Variants in NFIB observed in about 807,000 individuals in gnomAD.
NFIB encodes nuclear factor I B.
In NFIB, 11 loss-of-function variants were observed where a neutral mutation model predicts 61.5. That is an observed-to-expected ratio of 0.18 (90% CI 0.11 to 0.30). NFIB has a LOEUF of 0.30. NFIB is among the 10% of genes least tolerant of loss of function. The pLI, the probability that NFIB is intolerant of heterozygous loss-of-function variation, is 1.00. For synonymous variants in NFIB, 260 were observed against 216.5 expected (o/e 1.20, Z -1.76); for missense variants, 471 against 608.9 (o/e 0.77, Z 2.38).
chr9:14,399,693 G>C (rs745414047), upstream of NFIB, among the ~76,000 whole-genome samples: 2 of 152,118 alleles, frequency 1.3e-5, no homozygotes, highest in Non-Finnish European at 2.9e-5. Context: ...AAAAAAGTCA[G>C]CATTAGGCAT....
chr9:14,360,104 G>C (rs1198463816), intron 1 of NFIB, among the ~76,000 whole-genome samples: 1 of 152,144 alleles, frequency 6.6e-6, no homozygotes, highest in African/African-American at 2.4e-5. Context: ...CTATTTAAAT[G>C]AGGCATAACT....
the NFIB span, among the ~76,000 whole-genome samples, chr9:14,498,224 A>G: frequency 2.0e-3 from 300 of 152,304 alleles, 2 homozygotes; most frequent in African/African-American, 6.5e-3. Context: ...TTCTACCTTC[A>G]TGCCTCCTTG....
chr9:14,257,480 G>A (rs538620928), intron 2 of NFIB, among the ~76,000 whole-genome samples: 2 of 152,298 alleles, frequency 1.3e-5, no homozygotes, highest in Admixed American at 6.5e-5. Flanking sequence ...TTCTGGACAG[G>A]TGCAGTGGCT....
chr9:14,277,039 T>C (rs2058050884), intron 2 of NFIB, among the ~76,000 whole-genome samples: 1 of 152,122 alleles, frequency 6.6e-6, no homozygotes, highest in African/African-American at 2.4e-5. Flanking sequence ...TAAAAAAAGC[T>C]CAAAACACAT....
chr9:14,197,743 A>T (rs1040909669), intron 2 of NFIB, among the ~76,000 whole-genome samples: 1 of 152,220 alleles, frequency 6.6e-6, no homozygotes, highest in Non-Finnish European at 1.5e-5. Context: ...AGAAAGTCAG[A>T]GGTGTCCCTG....
intron 2 of NFIB, among the ~76,000 whole-genome samples, chr9:14,217,147 A>G (rs2051019831): frequency 6.6e-6 from 1 of 152,186 alleles, no homozygotes; most frequent in South Asian, 2.1e-4. Context: ...GATGATACTT[A>G]AGAAAGAATA....
At chr9:14,488,780 A>G in the NFIB span, among the ~76,000 whole-genome samples, 3 of 152,240 alleles carry the variant, frequency 2.0e-5, no homozygotes, top group Non-Finnish European at 4.4e-5. Flanking sequence ...ATTAAAGCAA[A>G]GATGAATACA....
chr9:14,452,419 G>GGAAA, the NFIB span, among the ~76,000 whole-genome samples: 36 of 94,740 alleles, frequency 3.8e-4, 1 homozygote, highest in Non-Finnish European at 5.3e-4. Context: ...ATGGAAGGAA[G>GGAAA]GAAGGGAGGG....
chr9:14,182,683 CCTCTCTCTCT>C (rs144528136), intron 2 of NFIB, among the ~76,000 whole-genome samples: 3 of 40,976 alleles, frequency 7.3e-5, no homozygotes, highest in African/African-American at 1.3e-4. Flanking sequence ...ACACCCCCCA[CCTCTCTCTCT>C]CTCTCTCTCT....
At chr9:14,505,883 C>G in the NFIB span, among the ~76,000 whole-genome samples, 1 of 152,068 alleles carries the variant, frequency 6.6e-6, no homozygotes, top group Non-Finnish European at 1.5e-5. Context: ...GACTGAAAAC[C>G]ATTTGTGACT....
chr9:14,274,119 G>A (rs1356241299), intron 2 of NFIB, among the ~76,000 whole-genome samples: 1 of 152,114 alleles, frequency 6.6e-6, no homozygotes, highest in East Asian at 1.9e-4. Context: ...CTACTTTACT[G>A]AAGAGTGAAA....
the NFIB span, among the ~76,000 whole-genome samples, chr9:14,474,355 A>G: frequency 6.6e-6 from 1 of 152,128 alleles, no homozygotes; most frequent in African/African-American, 2.4e-5. Flanking sequence ...AAGGGCATGA[A>G]TTCCATTCAT....
the NFIB span, among the ~76,000 whole-genome samples, chr9:14,484,699 T>C: frequency 9.2e-5 from 14 of 152,194 alleles, no homozygotes; most frequent in Admixed American, 2.6e-4. Flanking sequence ...AGTTCATTAA[T>C]GTAATAGATA....
At chr9:14,415,729 C>A in the NFIB span, among the ~76,000 whole-genome samples, 6 of 152,174 alleles carry the variant, frequency 3.9e-5, no homozygotes, top group African/African-American at 1.4e-4. Flanking sequence ...TCCATATGGA[C>A]TGTGGAAATG....
intron 1 of NFIB, among the ~76,000 whole-genome samples, chr9:14,353,545 T>C (rs530526918): frequency 6.6e-6 from 1 of 151,778 alleles, no homozygotes; most frequent in African/African-American, 2.4e-5. Flanking sequence ...GGCTGGGGAG[T>C]GGGCTGGTTC....
At chr9:14,288,513 T>C (rs987497139) in intron 2 of NFIB, among the ~76,000 whole-genome samples, 1 of 152,118 alleles carries the variant, frequency 6.6e-6, no homozygotes, top group Non-Finnish European at 1.5e-5. Context: ...AGTTAATTTA[T>C]GTGAAAAGTA....
At chr9:14,319,646 A>G (rs1395945814) in intron 1 of NFIB, among the ~76,000 whole-genome samples, 1 of 152,256 alleles carries the variant, frequency 6.6e-6, no homozygotes, top group Non-Finnish European at 1.5e-5. Context: ...CTTGTAACAT[A>G]GGAAAACAGA....
At chr9:14,470,876 C>A in the NFIB span, among the ~76,000 whole-genome samples, 1 of 152,170 alleles carries the variant, frequency 6.6e-6, no homozygotes, top group Non-Finnish European at 1.5e-5. Flanking sequence ...GTTTCCTCAT[C>A]TGTCAAGGCA....
chr9:14,350,202 C>T (rs1303867106), intron 1 of NFIB, among the ~76,000 whole-genome samples: 1 of 152,096 alleles, frequency 6.6e-6, no homozygotes, highest in East Asian at 1.9e-4. Context: ...AACAATGCCG[C>T]TTATTAGAGA....
Sources: allele counts gnomAD v4.1 joint callset (sites outside exome capture counted in the v4.1 genomes callset), GRCh38; gene constraint gnomAD v4.1.1; transcripts MANE v1.5; gene names NCBI Gene and HGNC (gene_info 2026-07-23, HGNC 2026-07-21).